The following ZNRF2 variants were observed in gnomAD, a reference collection of about 807,000 sequenced individuals.
ZNRF2 encodes zinc and ring finger 2.
Under a neutral mutation model 20.4 loss-of-function variants are expected in ZNRF2, and 16 were observed. That is an observed-to-expected ratio of 0.79 (90% CI 0.53 to 1.19). ZNRF2 has a LOEUF of 1.19. Ranked by LOEUF, ZNRF2 falls within the 50% of genes most tolerant of loss-of-function variation. The pLI, the probability that ZNRF2 is intolerant of heterozygous loss-of-function variation, is 0.00. For synonymous variants in ZNRF2, 178 were observed against 144.9 expected (o/e 1.23, Z -1.64); for missense variants, 363 against 332.4 (o/e 1.09, Z -0.72).
At chr7:30,287,161 G>A (rs1353283330) in intron 1 of ZNRF2, among the ~76,000 whole-genome samples, 6 of 152,110 alleles carry the variant, frequency 3.9e-5, no homozygotes, top group Admixed American at 3.9e-4. Flanking sequence ...ATTTGCTTTT[G>A]ATTTTGAGTA....
At chr7:30,343,569 AT>A (rs933673281) in intron 2 of ZNRF2, among the ~76,000 whole-genome samples, 1 of 152,074 alleles carries the variant, frequency 6.6e-6, no homozygotes, top group Non-Finnish European at 1.5e-5. Context: ...TGCAAATTGC[AT>A]TTTTTAATAT....
intron 1 of ZNRF2, chr7:30,289,676 G>T (rs1374978688): frequency 2.2e-6 from 1 of 451,094 alleles, no homozygotes. Context: ...CTGTGTCATG[G>T]AAGTTTCTGC....
chr7:30,354,317 C>T (rs990677661), intron 2 of ZNRF2, among the ~76,000 whole-genome samples: 7 of 152,236 alleles, frequency 4.6e-5, no homozygotes, highest in Admixed American at 2.0e-4. Context: ...TCACTCCTAA[C>T]GTATTCAGTC....
At chr7:30,354,063 T>C (rs1299190893) in intron 2 of ZNRF2, among the ~76,000 whole-genome samples, 2 of 151,652 alleles carry the variant, frequency 1.3e-5, no homozygotes, top group Non-Finnish European at 2.9e-5. Flanking sequence ...TGAAAGATAC[T>C]AGAACAATAA....
At chr7:30,299,760 GTTC>G (rs1799078740) in intron 1 of ZNRF2, among the ~76,000 whole-genome samples, 2 of 145,596 alleles carry the variant, frequency 1.4e-5, no homozygotes. Flanking sequence ...GTCATACTGT[GTTC>G]TTCTAAAACC....
chr7:30,344,202 G>A (rs1461576290), intron 2 of ZNRF2, among the ~76,000 whole-genome samples: 4 of 150,846 alleles, frequency 2.7e-5, no homozygotes, highest in South Asian at 2.1e-4. Flanking sequence ...GATTACAGGC[G>A]TGAGCCACTG....
Position 30,295,691 on chromosome 7 carries a change from T to C in ZNRF2, c.469+9865T>C, listed in dbSNP as rs553432321. Among the ~76,000 whole-genome samples the C allele has an allele frequency of 3.3e-5, 5 of 152,278 alleles. No homozygotes were observed. The East Asian group carries it at 9.6e-4, about 29-fold the overall frequency. ...CACCACTGCACTCCAGCCTGGGTGATGGAATGAGACTCTGTCTCAAAACAA... is the reference window on the plus strand; with the variant it reads ...CACCACTGCACTCCAGCCTGGGTGACGGAATGAGACTCTGTCTCAAAACAA... On this transcript the variant is annotated intron_variant, in intron 1 of 4. Coordinates refer to ENST00000323037, the MANE Select transcript of ZNRF2 (RefSeq NM_147128.4).
chr7:30,354,503 AAC>A (rs1800006893), intron 2 of ZNRF2, among the ~76,000 whole-genome samples: 1 of 152,168 alleles, frequency 6.6e-6, no homozygotes, highest in Non-Finnish European at 1.5e-5. Context: ...TAAAGGGAAG[AAC>A]CACTTCTTAT....
At position 30,325,060 on chromosome 7, in the gene ZNRF2, A is replaced by G. The variant is rs182553325; in HGVS notation, c.565+1323A>G. Among the ~76,000 whole-genome samples, 649 of 152,264 alleles carry G rather than the reference A, an allele frequency of 4.3e-3. 11 individuals are homozygous for G. The highest frequency in any genetic ancestry group is 2.8e-3 in the Non-Finnish European group (188 of 68,012). ...AGACTGTACCATTCTTTCCTGACCA[A>G]AATCTCTAGATATTCCAAAACCTAG... On this transcript the variant is annotated intron_variant, in intron 2 of 4. Transcript: ENST00000323037.
At chr7:30,315,976 A>G (rs1799367449) in intron 1 of ZNRF2, among the ~76,000 whole-genome samples, 1 of 152,090 alleles carries the variant, frequency 6.6e-6, no homozygotes, top group African/African-American at 2.4e-5. Flanking sequence ...CAAAGAGAAT[A>G]TATGAAAAAA....
At chr7:30,315,466 A>T (rs1462266760) in intron 1 of ZNRF2, among the ~76,000 whole-genome samples, 11 of 152,048 alleles carry the variant, frequency 7.2e-5, no homozygotes, top group Admixed American at 7.2e-4. Context: ...GACTAGTTTT[A>T]TGAGTTTTGT....
chr7:30,323,557 A>G, intron 1 of ZNRF2, 85 bp from the exon 2 acceptor site: 1 of 900,950 alleles, frequency 1.1e-6, no homozygotes, highest in Non-Finnish European at 1.7e-6. Context: ...GAAGTTTCAA[A>G]CGCTTTTTGA....
At chr7:30,288,948 C>T (rs931673530) in intron 1 of ZNRF2, 6 of 152,076 alleles carry the variant, frequency 3.9e-5, no homozygotes, top group African/African-American at 1.4e-4. Flanking sequence ...TTCATAAGAG[C>T]ATAATATGAG....
At chr7:30,351,914 C>T (rs779313453) in intron 2 of ZNRF2, among the ~76,000 whole-genome samples, 10 of 151,864 alleles carry the variant, frequency 6.6e-5, no homozygotes, top group Non-Finnish European at 1.2e-4. Context: ...TTATAATAGG[C>T]GCCTAAGTTC....
intron 2 of ZNRF2, among the ~76,000 whole-genome samples, chr7:30,350,588 T>G (rs1186319728): frequency 6.6e-6 from 1 of 152,060 alleles, no homozygotes; most frequent in African/African-American, 2.4e-5. Flanking sequence ...CAGTAATAGC[T>G]CATGGATCTG....
chr7:30,323,749 G>T lies in ZNRF2; in HGVS notation c.565+12G>T. ...AATAACCTATAATGGTAAGTCCAATGGTTTAAAATAATATTTTAAGTTAGA... is the reference window on the plus strand; with the variant it reads ...AATAACCTATAATGGTAAGTCCAATTGTTTAAAATAATATTTTAAGTTAGA... On this transcript the variant is annotated intron_variant, in intron 2 of 4. Coordinates refer to ENST00000323037, the MANE Select transcript of ZNRF2 (RefSeq NM_147128.4). 2 of 1,430,744 alleles carry T rather than the reference G, an allele frequency of 1.4e-6. No homozygotes were observed. The highest frequency in any genetic ancestry group is 9.4e-7 in the Non-Finnish European group (1 of 1,063,232). 88.6% of individuals were successfully genotyped at this position (1,430,744 alleles called of 1,614,324 possible).
chr7:30,298,124 G>C (rs1479650664), intron 1 of ZNRF2, among the ~76,000 whole-genome samples: 1 of 151,652 alleles, frequency 6.6e-6, no homozygotes, highest in Non-Finnish European at 1.5e-5. Context: ...AAATTTCTGA[G>C]GTCTTTAAAA....
In ZNRF2 at chr7:30,345,088, G is replaced by A. The variant is rs201777566; in HGVS notation, c.566-10640G>A. Among the ~76,000 whole-genome samples the A allele has an allele frequency of 2.1e-3, 313 of 152,194 alleles. 1 individual carries two copies. The highest frequency in any genetic ancestry group is 7.2e-3 in the African/African-American group (300 of 41,518). On this transcript the variant is annotated intron_variant, in intron 2 of 4. Transcript: ENST00000323037. ...TCTGGGTCAGTTTTTAGGACTTGGT[G>A]TGCCCTTTCAATATGTAGATCTAGA...
chr7:30,286,875 G>C (rs999874046), intron 1 of ZNRF2, among the ~76,000 whole-genome samples: 1 of 152,042 alleles, frequency 6.6e-6, no homozygotes, highest in Non-Finnish European at 1.5e-5. Context: ...TTTTTGTGCC[G>C]CTTTTACTTA....
Sources: gnomAD v4.1 joint callset for allele counts (sites outside exome capture counted in the v4.1 genomes callset) on GRCh38, gnomAD v4.1.1 for gene constraint, MANE v1.5 for transcripts, NCBI Gene and HGNC (gene_info 2026-07-23, HGNC 2026-07-21) for gene names.